The following DNTTIP2 variants were observed in gnomAD, a reference collection of about 807,000 sequenced individuals.
DNTTIP2 encodes deoxynucleotidyltransferase terminal-interacting protein 2.
In DNTTIP2, 47 loss-of-function variants were observed where a neutral mutation model predicts 62.4. The observed-to-expected ratio is 0.75, with a 90% CI of 0.60 to 0.96. DNTTIP2 has a LOEUF of 0.96. DNTTIP2 is among the 40% of genes least tolerant of loss of function. The pLI, the probability that DNTTIP2 is intolerant of heterozygous loss-of-function variation, is 0.00. For missense variants in DNTTIP2, 870 were observed against 849.1 expected, an observed-to-expected ratio of 1.02 and a Z score of -0.31; for synonymous variants, 322 against 300.9, an observed-to-expected ratio of 1.07 and a Z score of -0.73.
rs547087275 is a variant in DNTTIP2 at position 93,872,592 on chromosome 1, G to C, written c.1903-356C>G. On this transcript the variant is annotated intron_variant, in intron 4 of 6. Coordinates refer to ENST00000436063, the MANE Select transcript of DNTTIP2 (RefSeq NM_014597.5). ...ATGTATAAAAACACTTTCGTTTCTA[G>C]AGCTTATATGTAAACATTTTTATTC... is the stretch of plus-strand genomic sequence containing the variant. Among the ~76,000 whole-genome samples, 9 of 152,266 alleles carry C rather than the reference G, an allele frequency of 5.9e-5. No individual in the cohort carries two copies. In the South Asian group the frequency reaches 1.4e-3, roughly 25 times the overall value.
In DNTTIP2 at chr1:93,877,819, G is replaced by A. The variant is rs183063787; in HGVS notation, c.116C>T (p.Thr39Ile). 944 of 1,604,980 alleles carry A rather than the reference G, an allele frequency of 5.9e-4. 3 individuals are homozygous for A. The highest frequency in any genetic ancestry group is 2.5e-3 in the Middle Eastern group (15 of 6,062). The change falls in exon 2 of 7, where the codon ACT becomes ATT. Residue 39 changes from threonine to isoleucine, a missense_variant. Physicochemically the swap from Thr to Ile is moderately conservative, Grantham distance 89. Transcript: ENST00000436063. ...NGIQAHPESS[T>I]GSDARTTAES... ...AGCAGTAGTTCGGGCATCAGATCCA[G>A]TACTACTTTCTGGATGCGCTTGAAT...
rs1188436350 is a variant in DNTTIP2, at chr1:93,876,502, T to C, written c.1433A>G (p.Asp478Gly). The C allele has an allele frequency of 6.2e-7, 1 of 1,613,992 alleles. No homozygotes were observed. Among genetic ancestry groups the C allele is most frequent in the Non-Finnish European group, 8.5e-7 (1 of 1,179,880 alleles). ...NSGQRESLSG[D>G]TGSLSCDNAL... ...ATTGTCACATGACAGACTTCCTGTG[T>C]CTCCACTTAATGACTCCCTTTGGCC... The change falls in exon 2 of 7, where the codon GAC becomes GGC. Residue 478 changes from aspartate (D) to glycine (G), a missense_variant. Coordinates refer to ENST00000436063, the MANE Select transcript of DNTTIP2 (RefSeq NM_014597.5).
At position 93,869,269 on chromosome 1, in the gene DNTTIP2, A is replaced by G; in HGVS notation, c.*582T>C. 1 of 152,194 alleles carries G rather than the reference A, an allele frequency of 6.6e-6. No individual in the cohort carries two copies. The highest frequency in any genetic ancestry group is 2.1e-4 in the South Asian group (1 of 4,832). 9.4% of individuals were successfully genotyped at this position (152,194 alleles called of 1,614,324 possible). A position where few individuals can be genotyped will look rare whatever the true frequency, so the allele number is the denominator to read the frequency against. ...CAACACTTAAATCTAGATAAAAACC[A>G]ATTATTCCTCCCTGTTTCAGTTGCC... is the stretch of plus-strand genomic sequence containing the variant. On this transcript the variant is annotated 3_prime_UTR_variant, in exon 7 of 7. Transcript: ENST00000436063.
Position 93,877,462 on chromosome 1 carries a change from T to C in DNTTIP2, c.473A>G (p.Glu158Gly). ...ACTTCTTCTGGCTCCTGTAGTTTTT[T>C]CTGTAGGAAGCACAATTCTAGAAAT... Reference protein sequence around the residue: ...SGISRIVLPTEKTTGARRSKA... With the variant: ...SGISRIVLPTGKTTGARRSKA... Residue 158 changes from glutamate to glycine, a missense_variant, in exon 2 of 7, where the codon GAA becomes GGA. Transcript: ENST00000436063. The C allele has an allele frequency of 8.7e-6, 14 of 1,613,888 alleles. No individual in the cohort carries two copies. Among genetic ancestry groups the C allele is most frequent in the Non-Finnish European group, 1.2e-5 (14 of 1,179,866 alleles).
At chr1:93,870,184 T>A (rs2100882059) in intron 6 of DNTTIP2, among the ~76,000 whole-genome samples, 1 of 152,270 alleles carries the variant, frequency 6.6e-6, no homozygotes, top group Middle Eastern at 3.4e-3. Flanking sequence ...ATGCACTATA[T>A]CCATCCACCA....
Position 93,868,363 on chromosome 1 carries a change from A to G in DNTTIP2, c.*1488T>C, listed in dbSNP as rs1168737075. On this transcript the variant is annotated 3_prime_UTR_variant, in exon 7 of 7. Coordinates refer to ENST00000436063, the MANE Select transcript of DNTTIP2 (RefSeq NM_014597.5). Reference sequence around the variant, plus strand: ...CAGGAAACAACAGATGCTGGAGAGGATATGGAGAACTAGGAACACTTTTAC... The same window carrying G: ...CAGGAAACAACAGATGCTGGAGAGGGTATGGAGAACTAGGAACACTTTTAC... 6.6e-6 allele frequency: 1 copy of G among 152,198 alleles called. No homozygotes were observed. Among genetic ancestry groups the G allele is most frequent in the Non-Finnish European group, 1.5e-5 (1 of 68,036 alleles). 9.4% of individuals were successfully genotyped at this position (152,198 alleles called of 1,614,324 possible).
In DNTTIP2 at chr1:93,872,209, C is replaced by CA. The variant is rs760789931; in HGVS notation, c.1929dup (p.Gly644TrpfsTer13). The CA allele has an allele frequency of 6.2e-7, 1 of 1,613,704 alleles. No individual in the cohort carries two copies. The highest frequency in any genetic ancestry group is 8.5e-7 in the Non-Finnish European group (1 of 1,179,766). Reference sequence around the variant, plus strand: ...TCTGGAGCTTTCATACCAAACCAGCCATCCCCTGCTGTTTTTTGTCGTTCT... The same window carrying CA: ...TCTGGAGCTTTCATACCAAACCAGCCAATCCCCTGCTGTTTTTTGTCGTTCT... On this transcript the variant is annotated frameshift_variant, in exon 5 of 7. Transcript: ENST00000436063. LOFTEE classifies it high-confidence loss of function.
In DNTTIP2 at chr1:93,875,747, C is replaced by T; in HGVS notation, c.1704G>A (p.Leu568=). 2.5e-6 allele frequency: 4 copies of T among 1,613,172 alleles called. No homozygotes were observed. The highest frequency in any genetic ancestry group is 2.5e-6 in the Non-Finnish European group (3 of 1,179,672). Residue 568 remains leucine (L), a synonymous_variant, in exon 3 of 7, where the codon CTG becomes CTA. Coordinates refer to ENST00000436063, the MANE Select transcript of DNTTIP2 (RefSeq NM_014597.5). The part of the protein sequence containing the change: ...KLTSSSIDPG[L]SIKQLGGLYI... Reference sequence around the variant, plus strand: ...ACAAACCACCCAACTGCTTGATACTCAGACCAGGGTCTATGCTGCTGCTTG... The same window carrying T: ...ACAAACCACCCAACTGCTTGATACTTAGACCAGGGTCTATGCTGCTGCTTG...
At chr1:93,875,358 A>C (rs1380755306) in intron 3 of DNTTIP2, among the ~76,000 whole-genome samples, 1 of 152,354 alleles carries the variant, frequency 6.6e-6, no homozygotes, top group African/African-American at 2.4e-5. Context: ...TTAAGAACTT[A>C]AGAACTAAAA....
chr1:93,877,837 G>C lies in DNTTIP2; in HGVS notation c.98C>G (p.Ala33Gly), dbSNP rs549125780. ...QKSFAANGIQ[A>G]HPESSTGSDA... ...AGATCCAGTACTACTTTCTGGATGC[G>C]CTTGAATCCCATTAGCAGCAAAACT... The change falls in exon 2 of 7, where the codon GCG becomes GGG. Residue 33 changes from alanine (A) to glycine (G), a missense_variant. Transcript: ENST00000436063. 1.2e-6 allele frequency: 2 copies of C among 1,601,770 alleles called. No homozygotes were observed. The highest frequency in any genetic ancestry group is 2.2e-5 in the South Asian group (2 of 91,022).
At chr1:93,875,006 T>C (rs1164012905) in intron 3 of DNTTIP2, among the ~76,000 whole-genome samples, 2 of 152,122 alleles carry the variant, frequency 1.3e-5, no homozygotes, top group Admixed American at 1.3e-4. Context: ...GAGAGTTTGG[T>C]TTCATTAGCC....
Position 93,876,735 on chromosome 1 carries a change from T to C in DNTTIP2, c.1200A>G (p.Glu400=). ...KFGDCGGSDD[E]EESTVISVSE... ...TGACACTTATAACTGTGGACTCTTCTTCATCATCACTACCACCACAATCAC... is the reference window on the plus strand; with the variant it reads ...TGACACTTATAACTGTGGACTCTTCCTCATCATCACTACCACCACAATCAC... The change falls in exon 2 of 7, where the codon GAA becomes GAG. Residue 400 remains glutamate (E), a synonymous_variant. Transcript: ENST00000436063. The C allele has an allele frequency of 5.6e-6, 9 of 1,614,024 alleles. No individual in the cohort carries two copies. Among genetic ancestry groups the C allele is most frequent in the Non-Finnish European group, 7.6e-6 (9 of 1,179,884 alleles).
At chr1:93,875,883 A>G in intron 2 of DNTTIP2, 100 bp from the exon 3 acceptor site, 1 of 1,189,260 alleles carries the variant, frequency 8.4e-7, no homozygotes, top group Non-Finnish European at 1.2e-6. Flanking sequence ...CTTCCCTTGT[A>G]TTGTCCACAA....
Position 93,876,949 on chromosome 1 carries a change from G to A in DNTTIP2, c.986C>T (p.Thr329Ile). The change falls in exon 2 of 7, where the codon ACT (threonine) becomes ATT (isoleucine). Residue 329 changes from threonine (T) to isoleucine (I), a missense_variant. Transcript: ENST00000436063. ...CTGAGAAACTAACTGTTGAAGGCTA[G>A]TGTCCTGAAGTTCAGAAAGATTCTT... ...QLKNLSELQDTSLQQLVSQRH... is the reference protein window; with the variant it reads ...QLKNLSELQDISLQQLVSQRH... 1 of 1,613,206 alleles carries A rather than the reference G, an allele frequency of 6.2e-7. No homozygotes were observed. The highest frequency in any genetic ancestry group is 1.3e-5 in the African/African-American group (1 of 75,010).
chr1:93,878,494 T>G (rs1487774110), intron 1 of DNTTIP2: 1 of 154,116 alleles, frequency 6.5e-6, no homozygotes, highest in African/African-American at 2.4e-5. Flanking sequence ...GAATATTAAC[T>G]CTGAACACCG....
At chr1:93,878,951 G>C in intron 1 of DNTTIP2, 126 bp downstream of exon 1, 1 of 1,275,022 alleles carries the variant, frequency 7.8e-7, no homozygotes, top group South Asian at 1.5e-5. Context: ...GGAGACCCAA[G>C]CGCGCGGCAA....
Position 93,876,769 on chromosome 1 carries a change from G to A in DNTTIP2, c.1166C>T (p.Thr389Ile), listed in dbSNP as rs1656019684. 2 of 1,613,904 alleles carry A rather than the reference G, an allele frequency of 1.2e-6. No individual in the cohort carries two copies. The highest frequency in any genetic ancestry group is 1.7e-6 in the Non-Finnish European group (2 of 1,179,864). The change falls in exon 2 of 7, where the codon ACA (threonine) becomes ATA (isoleucine). Residue 389 changes from threonine to isoleucine, a missense_variant. Transcript: ENST00000436063. The part of the protein sequence containing the change: ...KKSPIKASDL[T>I]KFGDCGGSDD... ...ACTACCACCACAATCACCAAACTTTGTCAAGTCACTTGCTTTTATGGGGCT... is the reference window on the plus strand; with the variant it reads ...ACTACCACCACAATCACCAAACTTTATCAAGTCACTTGCTTTTATGGGGCT...
Position 93,876,548 on chromosome 1 carries a change from A to G in DNTTIP2, c.1387T>C (p.Leu463=), listed in dbSNP as rs1413477505. 1 of 1,614,012 alleles carries G rather than the reference A, an allele frequency of 6.2e-7. No individual in the cohort carries two copies. The highest frequency in any genetic ancestry group is 1.1e-5 in the South Asian group (1 of 91,068). ...SENSENEEDT[L]CFVENSGQRE... is the part of the protein sequence containing the mutation. ...TGGCCACTATTTTCAACAAAACATAAAGTATCCTCTTCATTCTCACTGTTT... is the reference window on the plus strand; with the variant it reads ...TGGCCACTATTTTCAACAAAACATAGAGTATCCTCTTCATTCTCACTGTTT... Residue 463 remains leucine, a synonymous_variant, in exon 2 of 7, where the codon TTA becomes CTA. Transcript: ENST00000436063.
At chr1:93,873,701 G>A (rs1454847782) in intron 3 of DNTTIP2, among the ~76,000 whole-genome samples, 1 of 152,006 alleles carries the variant, frequency 6.6e-6, no homozygotes, top group African/African-American at 2.4e-5. Context: ...GGAGGCCAAG[G>A]CAGGACAATC....
Sources: gnomAD v4.1 joint callset for allele counts (sites outside exome capture counted in the v4.1 genomes callset) on GRCh38, gnomAD v4.1.1 for gene constraint, MANE v1.5 for transcripts, NCBI Gene and HGNC (gene_info 2026-07-23, HGNC 2026-07-21) for gene names.